Variants in CHIC2 observed in about 807,000 individuals in gnomAD.
The protein encoded by CHIC2 is cysteine-rich hydrophobic domain-containing protein 2.
A neutral mutation model predicts 25.9 loss-of-function variants in CHIC2; 14 were observed. The observed-to-expected ratio is 0.54, with a 90% confidence interval of 0.36 to 0.85. The LOEUF (loss-of-function observed/expected upper bound fraction) is 0.85, where lower values mean the gene tolerates loss of function less well. CHIC2 is among the 40% of genes least tolerant of loss of function. The pLI is 0.01. For synonymous variants in CHIC2, 70 were observed against 72.0 expected, an observed-to-expected ratio of 0.97 and a Z score of 0.14; for missense variants, 146 against 202.0, an observed-to-expected ratio of 0.72 and a Z score of 1.68.
At chr4:54,069,016 G>A (rs1429909130), upstream of CHIC2, among the ~76,000 whole-genome samples, 1 of 152,146 alleles carries the variant, frequency 6.6e-6, no homozygotes, top group Non-Finnish European at 1.5e-5. Flanking sequence ...TATTTATTGA[G>A]ACAGAGGTAC....
At chr4:54,040,525 A>G (rs1310583524) in intron 3 of CHIC2, among the ~76,000 whole-genome samples, 5 of 151,972 alleles carry the variant, frequency 3.3e-5, no homozygotes, top group Admixed American at 6.6e-5. Flanking sequence ...ACATGGTGAA[A>G]CCCCGTCTCT....
chr4:54,082,493 C>T, the CHIC2 span, among the ~76,000 whole-genome samples: 1 of 152,026 alleles, frequency 6.6e-6, no homozygotes, highest in African/African-American at 2.4e-5. Context: ...GAAAAGAAGG[C>T]AGGGTGTCTG....
intron 3 of CHIC2, among the ~76,000 whole-genome samples, chr4:54,017,244 T>C (rs1192988649): frequency 6.6e-6 from 1 of 152,204 alleles, no homozygotes; most frequent in Non-Finnish European, 1.5e-5. Context: ...GGTTTTTAAA[T>C]GTTTATTTCA....
At chr4:54,031,360 T>C (rs1577970670) in intron 3 of CHIC2, among the ~76,000 whole-genome samples, 1 of 152,036 alleles carries the variant, frequency 6.6e-6, no homozygotes, top group Non-Finnish European at 1.5e-5. Context: ...TTCTTATTAG[T>C]AAGCACCATA....
At chr4:54,053,107 T>C (rs539619795) in intron 1 of CHIC2, among the ~76,000 whole-genome samples, 15 of 152,368 alleles carry the variant, frequency 9.8e-5, no homozygotes, top group African/African-American at 3.6e-4. Context: ...TTTATTTATG[T>C]ATCTTCAGTA....
chr4:54,052,008 G>A (rs925962030), intron 1 of CHIC2, among the ~76,000 whole-genome samples: 2 of 152,098 alleles, frequency 1.3e-5, no homozygotes, highest in African/African-American at 2.4e-5. Context: ...TTTTCAGCAA[G>A]TCTTCTTTCA....
At chr4:54,027,718 C>T (rs1716103689) in intron 3 of CHIC2, among the ~76,000 whole-genome samples, 1 of 152,130 alleles carries the variant, frequency 6.6e-6, no homozygotes, top group Admixed American at 6.5e-5. Flanking sequence ...GAGTTCCTGT[C>T]CCATCTTTAC....
chr4:54,011,528 AACTACTT>A (rs910805100), intron 5 of CHIC2, among the ~76,000 whole-genome samples: 1 of 152,136 alleles, frequency 6.6e-6, no homozygotes, highest in African/African-American at 2.4e-5. Context: ...TAAATGTTTA[AACTACTT>A]AGGAGTCAAC....
chr4:54,029,138 A>G (rs1000140375), intron 3 of CHIC2, among the ~76,000 whole-genome samples: 1 of 152,086 alleles, frequency 6.6e-6, no homozygotes, highest in Non-Finnish European at 1.5e-5. Context: ...AAAAAAAAAA[A>G]AACAAAAGTC....
chr4:54,039,774 A>G (rs2110077573), intron 3 of CHIC2, among the ~76,000 whole-genome samples: 1 of 152,340 alleles, frequency 6.6e-6, no homozygotes, highest in East Asian at 1.9e-4. Flanking sequence ...GCTTTATTCA[A>G]AAACTGGAAA....
the CHIC2 span, among the ~76,000 whole-genome samples, chr4:54,083,764 T>C: frequency 1.3e-5 from 2 of 152,192 alleles, no homozygotes; most frequent in Admixed American, 1.3e-4. Flanking sequence ...TCTCTTCCAA[T>C]CCCATCCTTT....
At chr4:54,078,673 AC>A in the CHIC2 span, among the ~76,000 whole-genome samples, 1 of 151,140 alleles carries the variant, frequency 6.6e-6, no homozygotes, top group Non-Finnish European at 1.5e-5. Flanking sequence ...GCACTACCAC[AC>A]CCCGTTAATT....
chr4:54,014,247 A>G, intron 3 of CHIC2, 128 bp from the exon 4 acceptor site: 1 of 685,898 alleles, frequency 1.5e-6, no homozygotes, highest in Non-Finnish European at 2.5e-6. Context: ...GTGCATCACT[A>G]TCGATGTTCT....
chr4:54,083,128 G>A, the CHIC2 span, among the ~76,000 whole-genome samples: 2 of 137,718 alleles, frequency 1.5e-5, no homozygotes, highest in African/African-American at 5.6e-5. Flanking sequence ...CGATTCTCCT[G>A]CCTCAGCCAG....
intron 3 of CHIC2, among the ~76,000 whole-genome samples, chr4:54,017,589 A>G (rs1348093215): frequency 1.3e-5 from 2 of 152,198 alleles, no homozygotes; most frequent in Non-Finnish European, 1.5e-5. Context: ...TTCTTTACCA[A>G]TGTAATTCTC....
upstream of CHIC2, among the ~76,000 whole-genome samples, chr4:54,068,001 T>A (rs1717552716): frequency 6.7e-6 from 1 of 148,486 alleles, no homozygotes; most frequent in Non-Finnish European, 1.5e-5. Context: ...GGTAATTAGG[T>A]TGAGATGAGG....
intron 1 of CHIC2, among the ~76,000 whole-genome samples, chr4:54,050,880 A>G (rs1431025973): frequency 6.6e-6 from 1 of 151,886 alleles, no homozygotes; most frequent in Non-Finnish European, 1.5e-5. Flanking sequence ...ATACTTGTAT[A>G]TATCTTCACT....
chr4:54,010,469 C>T (rs1036521877), intron 5 of CHIC2, among the ~76,000 whole-genome samples: 1 of 152,040 alleles, frequency 6.6e-6, no homozygotes, highest in Non-Finnish European at 1.5e-5. Flanking sequence ...CATACATGCA[C>T]GCTCCCCTGC....
At chr4:54,080,858 T>C in the CHIC2 span, among the ~76,000 whole-genome samples, 1 of 149,696 alleles carries the variant, frequency 6.7e-6, no homozygotes, top group Non-Finnish European at 1.5e-5. Flanking sequence ...AGATCTTAAG[T>C]ATTCTCACCA....
Sources: gnomAD v4.1 joint callset for allele counts (sites outside exome capture counted in the v4.1 genomes callset) on GRCh38, gnomAD v4.1.1 for gene constraint, MANE v1.5 for transcripts, NCBI Gene and HGNC (gene_info 2026-07-23, HGNC 2026-07-21) for gene names.